The following OSMR variants were observed in gnomAD, a reference collection of about 807,000 sequenced individuals.
OSMR encodes the protein oncostatin M receptor.
A neutral mutation model predicts 99.9 loss-of-function variants in OSMR; 81 were observed. That is an observed-to-expected ratio of 0.81 (90% confidence interval 0.68 to 0.97). OSMR has a LOEUF of 0.97. Ranked by LOEUF, OSMR falls within the 50% of genes least tolerant of loss-of-function variation. The pLI is 0.00. For synonymous variants in OSMR, 406 were observed against 410.4 expected, an observed-to-expected ratio of 0.99 and a Z score of 0.13; for missense variants, 1,099 against 1,153.4, an observed-to-expected ratio of 0.95 and a Z score of 0.68.
At chr5:38,942,452 A>ATTT (rs200385182) in intron 1 of OSMR, 311 of 564,050 alleles carry the variant, frequency 5.5e-4, no homozygotes, top group Middle Eastern at 1.3e-3. Flanking sequence ...TAAATATCTA[A>ATTT]TTTTTTTTTT....
intron 1 of OSMR, among the ~76,000 whole-genome samples, chr5:38,846,987 G>C (rs1438933518): frequency 6.6e-6 from 1 of 152,196 alleles, no homozygotes; most frequent in East Asian, 1.9e-4. Context: ...CATCCTGCCT[G>C]CCTTGCTGCG....
At chr5:38,904,547 G>C (rs747746003) in intron 9 of OSMR, 44 bp downstream of exon 9, 3 of 1,612,882 alleles carry the variant, frequency 1.9e-6, no homozygotes, top group Non-Finnish European at 2.5e-6. Flanking sequence ...GTAGGTCTTA[G>C]GAGTTAGACT....
At chr5:38,889,861 G>A (rs973658112) in intron 7 of OSMR, among the ~76,000 whole-genome samples, 1 of 151,566 alleles carries the variant, frequency 6.6e-6, no homozygotes, top group Non-Finnish European at 1.5e-5. Context: ...ATTTTTTTCT[G>A]TTGTTCCTTT....
At chr5:38,943,015 G>A (rs770251062) in intron 1 of OSMR, 1 of 1,450,410 alleles carries the variant, frequency 6.9e-7, no homozygotes, top group South Asian at 1.2e-5. Context: ...TAATCATGAT[G>A]TATCTATTTT....
chr5:38,931,628 C>A lies in OSMR; in HGVS notation c.2213-255C>A, dbSNP rs146735586. 2.4e-4 allele frequency: 49 copies of A among 202,814 alleles called. 1 individual carries two copies. The East Asian group carries it at 7.5e-3, about 31-fold the overall frequency. 12.6% of individuals were successfully genotyped at this position (202,814 alleles called of 1,614,324 possible). A position where few individuals can be genotyped will look rare whatever the true frequency, so the allele number is the denominator to read the frequency against. On this transcript the variant is annotated intron_variant, in intron 15 of 17. Coordinates refer to ENST00000274276, the MANE Select transcript of OSMR (RefSeq NM_003999.3). ...TAATTTTAATACAGCAAGTCATGAT[C>A]CAATCTATCAGAAGAGATAGATAGT...
chr5:38,852,266 G>C (rs192923862), intron 1 of OSMR, among the ~76,000 whole-genome samples: 3 of 152,028 alleles, frequency 2.0e-5, no homozygotes, highest in African/African-American at 7.2e-5. Flanking sequence ...ACACATTTGC[G>C]TACAACATGT....
chr5:38,938,970 A>C (rs1470656205), downstream of OSMR: 1 of 233,104 alleles, frequency 4.3e-6, no homozygotes, highest in Non-Finnish European at 8.5e-6. Context: ...AAGTGGAAGC[A>C]TAAGACTAAA....
intron 7 of OSMR, among the ~76,000 whole-genome samples, chr5:38,903,202 T>C (rs149721162): frequency 3.3e-5 from 5 of 152,314 alleles, no homozygotes; most frequent in African/African-American, 9.6e-5. Flanking sequence ...ACAAGTTACG[T>C]GAAATGGATT....
chr5:38,920,925 CTG>C (rs1215390178), intron 11 of OSMR, among the ~76,000 whole-genome samples: 2 of 152,158 alleles, frequency 1.3e-5, no homozygotes, highest in African/African-American at 4.8e-5. Context: ...TAGTCATAAA[CTG>C]TGTGCATATC....
At position 38,935,369 on chromosome 5, in the gene OSMR, A is replaced by G. The variant is rs1447594399; in HGVS notation, c.*1925A>G. 1 of 152,136 alleles carries G rather than the reference A, an allele frequency of 6.6e-6. No individual in the cohort carries two copies. Among genetic ancestry groups the G allele is most frequent in the African/African-American group, 2.4e-5 (1 of 41,426 alleles). 9.4% of individuals were successfully genotyped at this position (152,136 alleles called of 1,614,324 possible). A position where few individuals can be genotyped will look rare whatever the true frequency, so the allele number is the denominator to read the frequency against. On this transcript the variant is annotated 3_prime_UTR_variant, in exon 18 of 18. Coordinates refer to ENST00000274276, the MANE Select transcript of OSMR (RefSeq NM_003999.3). ...TACTTGCCTTTTGCTGGAAACATTG[A>G]TTATGTGCTCCTCACGTAGTAGAAA... is the stretch of plus-strand genomic sequence containing the variant.
At chr5:38,857,395 A>G (rs1027675919) in intron 1 of OSMR, among the ~76,000 whole-genome samples, 2 of 152,078 alleles carry the variant, frequency 1.3e-5, no homozygotes, top group African/African-American at 2.4e-5. Context: ...ATTTTGGAGG[A>G]TTTTTCTTTG....
At chr5:38,914,153 TTAAC>T (rs1745766557) in intron 9 of OSMR, among the ~76,000 whole-genome samples, 1 of 152,152 alleles carries the variant, frequency 6.6e-6, no homozygotes, top group African/African-American at 2.4e-5. Context: ...CTGAAGGACT[TTAAC>T]AAGAGAAATT....
intron 7 of OSMR, among the ~76,000 whole-genome samples, chr5:38,896,615 T>G (rs1314840442): frequency 6.6e-6 from 1 of 152,074 alleles, no homozygotes; most frequent in Non-Finnish European, 1.5e-5. Context: ...GGCTTCTTCC[T>G]TTTTATTTTG....
At chr5:38,940,890 T>A (rs528177561) in intron 1 of OSMR, 1 of 232,424 alleles carries the variant, frequency 4.3e-6, no homozygotes, top group Admixed American at 5.6e-5. Context: ...AATGTTGCTA[T>A]GACTGTGTCA....
At chr5:38,879,237 C>A (rs567109340) in intron 3 of OSMR, among the ~76,000 whole-genome samples, 7 of 152,366 alleles carry the variant, frequency 4.6e-5, no homozygotes, top group African/African-American at 1.7e-4. Context: ...AAGGGAATTT[C>A]CAGGCCTGAA....
intron 2 of OSMR, among the ~76,000 whole-genome samples, chr5:38,870,647 G>T (rs1385006298): frequency 6.6e-6 from 1 of 152,202 alleles, no homozygotes; most frequent in Non-Finnish European, 1.5e-5. Flanking sequence ...AGCTAACTTA[G>T]GGGAATAAGG....
intron 5 of OSMR, chr5:38,885,060 TG>T: frequency 5.8e-6 from 2 of 346,758 alleles, no homozygotes; most frequent in Non-Finnish European, 8.1e-6. Context: ...TGGCAGGCAC[TG>T]GGGATACAAC....
At chr5:38,922,288 A>AG (rs1172448756) in intron 12 of OSMR, among the ~76,000 whole-genome samples, 1 of 151,346 alleles carries the variant, frequency 6.6e-6, no homozygotes, top group African/African-American at 2.4e-5. Flanking sequence ...CTTGAGCTGG[A>AG]GGGGTGGGTG....
intron 9 of OSMR, among the ~76,000 whole-genome samples, chr5:38,913,860 A>G (rs1193637636): frequency 6.6e-6 from 1 of 152,192 alleles, no homozygotes; most frequent in East Asian, 1.9e-4. Flanking sequence ...AGGAGGTGTT[A>G]CACAAAAAGG....
Sources: allele counts gnomAD v4.1 joint callset (sites outside exome capture counted in the v4.1 genomes callset), GRCh38; gene constraint gnomAD v4.1.1; transcripts MANE v1.5; gene names NCBI Gene and HGNC (gene_info 2026-07-23, HGNC 2026-07-21).